PDE10A: variants seen among roughly 807,000 people sequenced by gnomAD.
The protein encoded by PDE10A is phosphodiesterase 10A, also known as cAMP and cAMP-inhibited cGMP 3',5'-cyclic phosphodiesterase 10A.
PDE10A carries 39 observed loss-of-function variants against 97.7 expected under a neutral mutation model. The ratio of observed to expected loss-of-function variants is 0.40; its 90% CI spans 0.31 to 0.52. The LOEUF (loss-of-function observed/expected upper bound fraction) is 0.52. Among genes scored for constraint, PDE10A ranks in the 20% least tolerant of loss-of-function variants. The pLI, the probability that PDE10A is intolerant of heterozygous loss-of-function variation, is 0.56. For synonymous variants in PDE10A, 371 were observed against 376.8 expected, an observed-to-expected ratio of 0.98 and a Z score of 0.18; for missense variants, 731 against 1,047.8, an observed-to-expected ratio of 0.70 and a Z score of 4.17.
At chr6:165,824,884 C>A (rs1328083267) in intron 1 of PDE10A, among the ~76,000 whole-genome samples, 4 of 147,950 alleles carry the variant, frequency 2.7e-5, no homozygotes, top group Non-Finnish European at 4.4e-5. Flanking sequence ...AATCCCAGCA[C>A]TTTGGGAGGC....
chr6:165,497,717 T>C (rs1780621087), intron 2 of PDE10A, among the ~76,000 whole-genome samples: 1 of 152,146 alleles, frequency 6.6e-6, no homozygotes, highest in Admixed American at 6.5e-5. Flanking sequence ...CAACCAACCT[T>C]AAGATTCACC....
chr6:165,635,317 T>G (rs577053383), intron 1 of PDE10A, among the ~76,000 whole-genome samples: 2 of 152,276 alleles, frequency 1.3e-5, no homozygotes, highest in South Asian at 4.1e-4. Flanking sequence ...AAGGTTAATA[T>G]CTCCCAAAGG....
intron 1 of PDE10A, among the ~76,000 whole-genome samples, chr6:165,658,233 G>C (rs1790063201): frequency 6.6e-6 from 1 of 152,200 alleles, no homozygotes; most frequent in African/African-American, 2.4e-5. Flanking sequence ...AGTATCTTAT[G>C]TCTCAAGAAA....
chr6:165,797,268 A>G (rs1289216757), intron 1 of PDE10A, among the ~76,000 whole-genome samples: 1 of 152,176 alleles, frequency 6.6e-6, no homozygotes, highest in Non-Finnish European at 1.5e-5. Context: ...CAATCTCTCT[A>G]TTGTGTAGGT....
intron 1 of PDE10A, among the ~76,000 whole-genome samples, chr6:165,887,740 T>G (rs1220890797): frequency 6.6e-6 from 1 of 152,166 alleles, no homozygotes; most frequent in Non-Finnish European, 1.5e-5. Context: ...AGTCTCACCT[T>G]TATCTTTATT....
At chr6:165,433,571 C>T (rs1287967210) in intron 6 of PDE10A, among the ~76,000 whole-genome samples, 1 of 152,022 alleles carries the variant, frequency 6.6e-6, no homozygotes, top group East Asian at 1.9e-4. Context: ...TAGAGTAACA[C>T]AAAAGTGTAC....
chr6:165,473,104 A>G (rs1177633121), intron 3 of PDE10A, among the ~76,000 whole-genome samples: 1 of 152,230 alleles, frequency 6.6e-6, no homozygotes, highest in East Asian at 1.9e-4. Flanking sequence ...GTAAAAAATT[A>G]TCACACAGAA....
rs9459520 is a variant in PDE10A at position 165,886,320 on chromosome 6, A to C, written c.-615+101209T>G. 8.3e-3 allele frequency among the ~76,000 whole-genome samples: 1,231 copies of C among 148,616 alleles called. 19 individuals are homozygous for C. The highest frequency in any genetic ancestry group is 0.029 in the African/African-American group (1,145 of 40,104). On this transcript the variant is annotated intron_variant, in intron 1 of 19. Coordinates refer to the PDE10A transcript ENST00000366882. Reference sequence around the variant, plus strand: ...CCCTGGAGCCCTGGACCCCTGGAATACTGGAGCCCTGGAGCCCCAGAGTCC... The same window carrying C: ...CCCTGGAGCCCTGGACCCCTGGAATCCTGGAGCCCTGGAGCCCCAGAGTCC...
At chr6:165,634,857 C>T (rs1421803723) in intron 1 of PDE10A, among the ~76,000 whole-genome samples, 1 of 152,206 alleles carries the variant, frequency 6.6e-6, no homozygotes, top group Non-Finnish European at 1.5e-5. Context: ...TAGACACAAT[C>T]TCATTCTGAT....
intron 1 of PDE10A, among the ~76,000 whole-genome samples, chr6:165,727,164 G>T (rs1358945834): frequency 2.6e-5 from 4 of 152,236 alleles, no homozygotes; most frequent in Non-Finnish European, 4.4e-5. Context: ...CCCGCTGAGG[G>T]CTGGCTTCAG....
intron 1 of PDE10A, among the ~76,000 whole-genome samples, chr6:165,593,411 G>A (rs750009991): frequency 6.6e-5 from 10 of 152,092 alleles, no homozygotes; most frequent in Non-Finnish European, 1.2e-4. Flanking sequence ...AAACCTGCAC[G>A]TTCTGCACAT....
intron 2 of PDE10A, among the ~76,000 whole-genome samples, chr6:165,484,713 G>A (rs1295908336): frequency 6.6e-6 from 1 of 152,196 alleles, no homozygotes; most frequent in Non-Finnish European, 1.5e-5. Context: ...CTGGTGGCAG[G>A]CTTTACAGTG....
chr6:165,893,067 G>A (rs1781847580), intron 1 of PDE10A, among the ~76,000 whole-genome samples: 3 of 152,208 alleles, frequency 2.0e-5, no homozygotes, highest in South Asian at 4.1e-4. Flanking sequence ...TGCATGAAAG[G>A]AGTTGATGTT....
In PDE10A at chr6:165,679,008, C is replaced by A. The variant is rs556999324; in HGVS notation, c.-614-135440G>T. ...GAAAAATCATCCCATTGATTTAATT[C>A]ATGTGGAGGTTCTGGATTCTCCTAA... On this transcript the variant is annotated intron_variant, in intron 1 of 19. Transcript: ENST00000366882. 4.1e-4 allele frequency among the ~76,000 whole-genome samples: 62 copies of A among 152,274 alleles called. 1 individual carries two copies. The South Asian group carries it at 0.012, about 31-fold the overall frequency.
At chr6:165,405,198 C>T (rs1230602557) in intron 13 of PDE10A, among the ~76,000 whole-genome samples, 1 of 152,184 alleles carries the variant, frequency 6.6e-6, no homozygotes, top group African/African-American at 2.4e-5. Context: ...AAATGCACCT[C>T]AGCGTATAGA....
intron 1 of PDE10A, among the ~76,000 whole-genome samples, chr6:165,689,392 A>G (rs931049712): frequency 2.9e-4 from 44 of 152,154 alleles, no homozygotes; most frequent in Admixed American, 2.9e-3. Flanking sequence ...AAATGGAGAA[A>G]TGTCCCTGAT....
chr6:165,928,799 C>A (rs1416769636), intron 1 of PDE10A, among the ~76,000 whole-genome samples: 4 of 152,200 alleles, frequency 2.6e-5, no homozygotes, highest in Non-Finnish European at 5.9e-5. Flanking sequence ...GAGAAGAATG[C>A]AATCTTTTCT....
chr6:165,814,285 G>A (rs905926271), intron 1 of PDE10A, among the ~76,000 whole-genome samples: 21 of 152,018 alleles, frequency 1.4e-4, no homozygotes, highest in African/African-American at 4.8e-4. Context: ...CTTAGCACCC[G>A]GCTGCTCATA....
intron 18 of PDE10A, among the ~76,000 whole-genome samples, chr6:165,360,647 G>A (rs1218023943): frequency 6.6e-6 from 1 of 152,186 alleles, no homozygotes; most frequent in Non-Finnish European, 1.5e-5. Context: ...GTGGCTGGGA[G>A]GAGCCATCCT....
Sources: allele counts gnomAD v4.1 joint callset (sites outside exome capture counted in the v4.1 genomes callset), GRCh38; gene constraint gnomAD v4.1.1; transcripts MANE v1.5; gene names NCBI Gene and HGNC (gene_info 2026-07-23, HGNC 2026-07-21).